CACNA1D: variants seen among roughly 807,000 people sequenced by gnomAD.
CACNA1D encodes the protein voltage-dependent L-type calcium channel subunit alpha-1D.
CACNA1D carries 55 observed loss-of-function variants against 257.1 expected under a neutral mutation model. The ratio of observed to expected loss-of-function variants is 0.21; its 90% CI spans 0.17 to 0.27. CACNA1D has a LOEUF of 0.27. Ranked by LOEUF, CACNA1D falls within the 10% of genes least tolerant of loss-of-function variation. The pLI is 1.00. For synonymous variants in CACNA1D, 980 were observed against 1,014.9 expected, an observed-to-expected ratio of 0.97 and a Z score of 0.65; for missense variants, 1,876 against 2,784.0, an observed-to-expected ratio of 0.67 and a Z score of 7.34.
At chr3:53,708,426 C>T (rs2094714686) in intron 9 of CACNA1D, among the ~76,000 whole-genome samples, 1 of 152,206 alleles carries the variant, frequency 6.6e-6, no homozygotes, top group African/African-American at 2.4e-5. Context: ...AGGGCTGACT[C>T]AGGGGCTGGC....
chr3:53,716,572 GT>G (rs1214974088), intron 9 of CACNA1D, among the ~76,000 whole-genome samples: 5 of 96,350 alleles, frequency 5.2e-5, no homozygotes, highest in Non-Finnish European at 1.0e-4. Context: ...TTTTTTGTTT[GT>G]TTTTGTCCAG....
intron 3 of CACNA1D, among the ~76,000 whole-genome samples, chr3:53,631,731 A>G (rs937556384): frequency 2.0e-5 from 3 of 152,144 alleles, no homozygotes; most frequent in African/African-American, 7.2e-5. Context: ...AGTCAAAATT[A>G]CTCTTTGATT....
At chr3:53,507,278 G>A (rs904674795) in intron 3 of CACNA1D, among the ~76,000 whole-genome samples, 2 of 152,082 alleles carry the variant, frequency 1.3e-5, no homozygotes, top group Admixed American at 1.3e-4. Flanking sequence ...ACTTGATTGA[G>A]TATTGACGGC....
chr3:53,689,577 A>G (rs1242594954), intron 8 of CACNA1D, among the ~76,000 whole-genome samples: 3 of 152,030 alleles, frequency 2.0e-5, no homozygotes, highest in African/African-American at 7.2e-5. Context: ...CGTGCCTCTC[A>G]GATAAGAAGA....
At chr3:53,764,590 G>C (rs1048433950) in intron 30 of CACNA1D, among the ~76,000 whole-genome samples, 1 of 152,202 alleles carries the variant, frequency 6.6e-6, no homozygotes, top group Admixed American at 6.5e-5. Flanking sequence ...GCTGGCAGGG[G>C]TGTAGCACCC....
intron 8 of CACNA1D, among the ~76,000 whole-genome samples, chr3:53,684,592 C>T (rs2094458300): frequency 7.4e-6 from 1 of 135,990 alleles, no homozygotes; most frequent in Non-Finnish European, 1.5e-5. Flanking sequence ...CACTGCACTC[C>T]AGCCTGGGCA....
At chr3:53,706,770 C>G (rs1037597064) in intron 9 of CACNA1D, among the ~76,000 whole-genome samples, 1 of 152,148 alleles carries the variant, frequency 6.6e-6, no homozygotes, top group Non-Finnish European at 1.5e-5. Context: ...CATGCCTCTT[C>G]CACCCTCCCA....
chr3:53,570,550 C>G (rs759826994), intron 3 of CACNA1D, among the ~76,000 whole-genome samples: 38 of 152,212 alleles, frequency 2.5e-4, no homozygotes, highest in Non-Finnish European at 4.8e-4. Flanking sequence ...GTCAACGGAG[C>G]TATATTCATG....
At chr3:53,556,451 G>A (rs62251870) in intron 3 of CACNA1D, among the ~76,000 whole-genome samples, 27,119 of 152,146 alleles carry the variant, frequency 0.18, 2,769 homozygotes, top group Non-Finnish European at 0.24. Flanking sequence ...TAATAGGTGC[G>A]TAGTAGTATC....
intron 3 of CACNA1D, among the ~76,000 whole-genome samples, chr3:53,509,152 G>A (rs923998613): frequency 2.6e-5 from 4 of 152,274 alleles, no homozygotes; most frequent in East Asian, 3.9e-4. Flanking sequence ...GGGTTCCTGT[G>A]GGCTGTAAGG....
chr3:53,661,807 T>C (rs2094206260), intron 5 of CACNA1D, among the ~76,000 whole-genome samples: 1 of 152,234 alleles, frequency 6.6e-6, no homozygotes, highest in Non-Finnish European at 1.5e-5. Context: ...ATATTGAGAA[T>C]TAGTTTTAAA....
chr3:53,601,088 G>T, intron 3 of CACNA1D, among the ~76,000 whole-genome samples: 1 of 152,146 alleles, frequency 6.6e-6, no homozygotes, highest in Non-Finnish European at 1.5e-5. Context: ...GCCTTTTAAG[G>T]TCATGCCCTC....
Position 53,702,719 on chromosome 3 carries a change from G to A in CACNA1D, c.1299G>A (p.Glu433=), listed in dbSNP as rs146741421. The part of the protein sequence containing the change: ...QKLREKQQLE[E]DLKGYLDWIT... ...TCCGGGAGAAGCAGCAGCTGGAGGA[G>A]GATCTAAAGGGCTACTTGGATTGGA... Residue 433 remains glutamate, a synonymous_variant, in exon 9 of 48, where the codon GAG becomes GAA. Coordinates refer to ENST00000350061, the MANE Select transcript of CACNA1D (RefSeq NM_001128840.3). 3.8e-5 allele frequency: 62 copies of A among 1,614,106 alleles called. No individual in the cohort carries two copies. In the African/African-American group the frequency reaches 6.1e-4, roughly 16 times the overall value.
chr3:53,628,883 A>G (rs1168418361), intron 3 of CACNA1D, among the ~76,000 whole-genome samples: 1 of 152,234 alleles, frequency 6.6e-6, no homozygotes. Flanking sequence ...ATATTATACC[A>G]TTCATCTTAG....
rs115285725 is a variant in CACNA1D at position 53,645,539 on chromosome 3, G to A, written c.484-5240G>A. 5.9e-3 allele frequency among the ~76,000 whole-genome samples: 902 copies of A among 152,226 alleles called. 15 individuals carry two copies. The highest frequency in any genetic ancestry group is 0.02 in the African/African-American group (846 of 41,542). On this transcript the variant is annotated intron_variant, in intron 3 of 47. Coordinates refer to ENST00000350061, the MANE Select transcript of CACNA1D (RefSeq NM_001128840.3). Reference sequence around the variant, plus strand: ...TGATTTCATTCCTCTGCATGTGGATGTCCAGTTTTACCGTACCCCTTATTG... The same window carrying A: ...TGATTTCATTCCTCTGCATGTGGATATCCAGTTTTACCGTACCCCTTATTG...
intron 3 of CACNA1D, among the ~76,000 whole-genome samples, chr3:53,596,803 G>A (rs2093376607): frequency 2.0e-5 from 3 of 152,228 alleles, no homozygotes; most frequent in South Asian, 4.1e-4. Flanking sequence ...AGAACTGTAA[G>A]ATACTAAGTT....
intron 3 of CACNA1D, among the ~76,000 whole-genome samples, chr3:53,598,382 C>T (rs145928884): frequency 6.6e-6 from 1 of 151,554 alleles, no homozygotes; most frequent in East Asian, 1.9e-4. Context: ...TTGAGACCAG[C>T]CTAACCAACA....
chr3:53,747,746 G>T (rs922038179), intron 26 of CACNA1D, among the ~76,000 whole-genome samples: 2 of 152,140 alleles, frequency 1.3e-5, no homozygotes, highest in South Asian at 4.1e-4. Context: ...GCTGCCATCC[G>T]CTGCTCCCAA....
chr3:53,656,444 C>G (rs2094148411), intron 4 of CACNA1D, among the ~76,000 whole-genome samples: 1 of 152,026 alleles, frequency 6.6e-6, no homozygotes. Context: ...TGTGTCATGT[C>G]TGATTTCTTT....
Sources: allele counts gnomAD v4.1 joint callset (sites outside exome capture counted in the v4.1 genomes callset), GRCh38; gene constraint gnomAD v4.1.1; transcripts MANE v1.5; gene names NCBI Gene and HGNC (gene_info 2026-07-23, HGNC 2026-07-21).